The following LAMA2 variants were observed in gnomAD, a reference collection of about 807,000 sequenced individuals.
LAMA2 encodes laminin subunit alpha 2.
In LAMA2, 269 loss-of-function variants were observed where a neutral mutation model predicts 364.8. That is an observed-to-expected ratio of 0.74 (90% CI 0.67 to 0.82). LAMA2 has a LOEUF of 0.82. LAMA2 is among the 40% of genes least tolerant of loss of function. LAMA2 has a pLI of 0.00. For synonymous variants in LAMA2, 1,379 were observed against 1,370.6 expected (o/e 1.01, Z -0.14); for missense variants, 3,807 against 3,873.2 (o/e 0.98, Z 0.45).
At chr6:129,049,219 T>A (rs534831820) in intron 1 of LAMA2, among the ~76,000 whole-genome samples, 1 of 151,802 alleles carries the variant, frequency 6.6e-6, no homozygotes, top group South Asian at 2.1e-4. Flanking sequence ...AATAAAAAAA[T>A]CTCCCCAGCC....
intron 4 of LAMA2, among the ~76,000 whole-genome samples, chr6:129,139,656 C>CA (rs1778000773): frequency 6.6e-6 from 1 of 151,982 alleles, no homozygotes; most frequent in African/African-American, 2.4e-5. Context: ...TTTACACAGT[C>CA]AAAATAAAAG....
At chr6:129,198,106 G>A (rs1781957235) in intron 12 of LAMA2, among the ~76,000 whole-genome samples, 1 of 151,972 alleles carries the variant, frequency 6.6e-6, no homozygotes, top group Non-Finnish European at 1.5e-5. Flanking sequence ...AATGTGAGTT[G>A]GTTTGTGATG....
intron 17 of LAMA2, among the ~76,000 whole-genome samples, chr6:129,279,280 A>G (rs1788541313): frequency 6.6e-6 from 1 of 152,154 alleles, no homozygotes; most frequent in African/African-American, 2.4e-5. Flanking sequence ...TGCCTCTCAC[A>G]AGGCAAAGAA....
At chr6:129,274,830 G>A (rs1042081369) in intron 17 of LAMA2, among the ~76,000 whole-genome samples, 2 of 151,780 alleles carry the variant, frequency 1.3e-5, no homozygotes, top group African/African-American at 2.4e-5. Context: ...TTAATTTCTG[G>A]CATCACATAG....
intron 37 of LAMA2, among the ~76,000 whole-genome samples, chr6:129,393,547 A>C (rs1779441145): frequency 6.6e-6 from 1 of 152,236 alleles, no homozygotes; most frequent in Non-Finnish European, 1.5e-5. Flanking sequence ...ACAGGGAGTC[A>C]GGCGACCTTG....
At chr6:129,403,142 A>G (rs1464289283) in intron 39 of LAMA2, among the ~76,000 whole-genome samples, 3 of 152,224 alleles carry the variant, frequency 2.0e-5, no homozygotes, top group Admixed American at 6.5e-5. Context: ...ATTAGCCCCA[A>G]GAATAATTTG....
rs183215658 is a variant in LAMA2, at chr6:129,262,173, C to T, written c.2208+1351C>T. 1.2e-3 allele frequency among the ~76,000 whole-genome samples: 175 copies of T among 152,154 alleles called. 1 individual carries two copies. Among genetic ancestry groups the T allele is most frequent in the African/African-American group, 3.9e-3 (163 of 41,534 alleles). ...TGGCTATGCTTTTAGTCTCTTCCTTCTCTCCTTCAAAAATATTTTCAATAC... is the reference window on the plus strand; with the variant it reads ...TGGCTATGCTTTTAGTCTCTTCCTTTTCTCCTTCAAAAATATTTTCAATAC... On this transcript the variant is annotated intron_variant, in intron 15 of 64. Coordinates refer to ENST00000421865, the MANE Select transcript of LAMA2 (RefSeq NM_000426.4).
intron 40 of LAMA2, among the ~76,000 whole-genome samples, chr6:129,411,263 C>G: frequency 6.6e-6 from 1 of 152,158 alleles, no homozygotes; most frequent in Non-Finnish European, 1.5e-5. Context: ...GTCCATATTT[C>G]TTGGGAACCA....
At chr6:129,405,150 G>C (rs543592477) in intron 40 of LAMA2, among the ~76,000 whole-genome samples, 4 of 151,976 alleles carry the variant, frequency 2.6e-5, no homozygotes, top group Non-Finnish European at 5.9e-5. Context: ...CTAATTTCAA[G>C]TTCACCATTT....
chr6:129,085,586 A>G (rs941584206), intron 3 of LAMA2, among the ~76,000 whole-genome samples: 5 of 152,140 alleles, frequency 3.3e-5, no homozygotes, highest in Non-Finnish European at 5.9e-5. Flanking sequence ...AATGTGAGGA[A>G]CTTTGGAAGG....
At chr6:129,118,830 A>G (rs1382514) in intron 4 of LAMA2, among the ~76,000 whole-genome samples, 151,312 of 152,334 alleles carry the variant, frequency 0.99, 75,158 homozygotes, top group Middle Eastern at 1. Context: ...GAGAGAAGGC[A>G]AAGCTGGGAC....
chr6:129,133,867 A>AAC lies in LAMA2; in HGVS notation c.640-10019_640-10018dup, dbSNP rs148016532. On this transcript the variant is annotated intron_variant, in intron 4 of 64. Transcript: ENST00000421865. The stretch of plus-strand genomic sequence containing the variant: ...ATACACACACACACAGAGACAATTC[A>AAC]ACACACACACACACACGCGCACACA... Among the ~76,000 whole-genome samples the AAC allele has an allele frequency of 9.3e-3, 1,403 of 151,216 alleles. 19 individuals are homozygous for AAC. Among genetic ancestry groups the AAC allele is most frequent in the African/African-American group, 0.032 (1,300 of 41,268 alleles).
intron 1 of LAMA2, among the ~76,000 whole-genome samples, chr6:128,896,772 C>T (rs1776800174): frequency 6.6e-6 from 1 of 152,114 alleles, no homozygotes; most frequent in South Asian, 2.1e-4. Context: ...TAAAACATTG[C>T]CCTCACAGGC....
At chr6:128,931,940 A>T (rs1430045101) in intron 1 of LAMA2, among the ~76,000 whole-genome samples, 2 of 152,164 alleles carry the variant, frequency 1.3e-5, no homozygotes, top group African/African-American at 4.8e-5. Flanking sequence ...ATTGTTCATT[A>T]TATTTTTCTC....
intron 12 of LAMA2, among the ~76,000 whole-genome samples, chr6:129,215,868 A>G (rs994475311): frequency 1.2e-4 from 19 of 152,182 alleles, no homozygotes; most frequent in African/African-American, 4.3e-4. Flanking sequence ...ATCTAAGATT[A>G]TATAACAGAT....
chr6:129,344,407 C>T (rs1776432898), intron 30 of LAMA2, among the ~76,000 whole-genome samples: 1 of 152,110 alleles, frequency 6.6e-6, no homozygotes, highest in Non-Finnish European at 1.5e-5. Context: ...AGGCAGGTTA[C>T]CCCCAAAAAT....
At chr6:129,216,616 A>G (rs929947310) in intron 12 of LAMA2, among the ~76,000 whole-genome samples, 12 of 152,214 alleles carry the variant, frequency 7.9e-5, no homozygotes, top group Admixed American at 2.6e-4. Flanking sequence ...AGAGGGCTAT[A>G]TGAGATCCAT....
intron 1 of LAMA2, among the ~76,000 whole-genome samples, chr6:128,935,162 C>T (rs116478804): frequency 0.015 from 2,289 of 152,016 alleles, 56 homozygotes; most frequent in African/African-American, 0.052. Context: ...TTGCCGCACC[C>T]GTCAACTCAT....
intron 40 of LAMA2, among the ~76,000 whole-genome samples, chr6:129,415,437 T>C (rs892547147): frequency 2.0e-5 from 3 of 152,204 alleles, no homozygotes; most frequent in African/African-American, 7.2e-5. Context: ...ACCTTACCTG[T>C]TCTTTCTGAG....
Sources: gnomAD v4.1 joint callset for allele counts (sites outside exome capture counted in the v4.1 genomes callset) on GRCh38, gnomAD v4.1.1 for gene constraint, MANE v1.5 for transcripts, NCBI Gene and HGNC (gene_info 2026-07-23, HGNC 2026-07-21) for gene names.